Variants in RGSL1 observed in about 807,000 individuals in gnomAD.
The protein encoded by RGSL1 is regulator of G protein signaling protein-like.
In RGSL1, 97 loss-of-function variants were observed where a neutral mutation model predicts 124.7. The observed-to-expected ratio is 0.78, with a 90% CI of 0.66 to 0.92. The LOEUF (loss-of-function observed/expected upper bound fraction) is 0.92, where lower values mean the gene tolerates loss of function less well. Among genes scored for constraint, RGSL1 ranks in the 40% least tolerant of loss-of-function variants. RGSL1 has a pLI of 0.00. For missense variants in RGSL1, 1,233 were observed against 1,288.4 expected (o/e 0.96, Z 0.66); for synonymous variants, 424 against 438.1 (o/e 0.97, Z 0.40).
chr1:182,552,398 G>C (rs1660621127), intron 18 of RGSL1, among the ~76,000 whole-genome samples: 2 of 152,164 alleles, frequency 1.3e-5, no homozygotes, highest in Admixed American at 1.3e-4. Flanking sequence ...ACAGGTGTAA[G>C]CCACCGCACC....
intron 11 of RGSL1, among the ~76,000 whole-genome samples, chr1:182,528,859 A>C (rs1423019848): frequency 6.6e-6 from 1 of 152,234 alleles, no homozygotes. Context: ...GCACAGTTCC[A>C]CATGACTGGG....
rs1333289842 is a variant in RGSL1, at chr1:182,472,508, T to A, written c.414T>A (p.Thr138=). 1.3e-6 allele frequency: 2 copies of A among 1,550,012 alleles called. No homozygotes were observed. The highest frequency in any genetic ancestry group is 1.2e-5 in the South Asian group (1 of 83,586). Residue 138 remains threonine, a synonymous_variant, in exon 5 of 22, where the codon ACT becomes ACA. Transcript: ENST00000294854. ...CCCTCCTCCTCATGCTGAGGGCCAC[T>A]CATCTGCAGGAGGGCTCCAGGGTGG... is the stretch of plus-strand genomic sequence containing the variant. ...YLSLLLMLRA[T]HLQEGSRVVT... is the part of the protein sequence containing the mutation.
chr1:182,469,043 T>C (rs1387972751), intron 4 of RGSL1, among the ~76,000 whole-genome samples: 1 of 152,046 alleles, frequency 6.6e-6, no homozygotes, highest in Non-Finnish European at 1.5e-5. Context: ...AAGACCTAAA[T>C]TTAAGGCATA....
At chr1:182,471,523 T>C (rs183031079) in intron 4 of RGSL1, 1 of 356,948 alleles carries the variant, frequency 2.8e-6, no homozygotes, top group East Asian at 7.4e-5. Flanking sequence ...TAAAAATCTT[T>C]GAAAACTGAG....
At chr1:182,530,686 A>G (rs1659108477) in intron 12 of RGSL1, 104 bp from the exon 13 acceptor site, 2 of 1,288,536 alleles carry the variant, frequency 1.6e-6, no homozygotes, top group Non-Finnish European at 2.1e-6. Flanking sequence ...TTCCCCAATT[A>G]CCACTGAGAG....
chr1:182,457,578 A>G (rs985716828), intron 2 of RGSL1, among the ~76,000 whole-genome samples: 1 of 152,216 alleles, frequency 6.6e-6, no homozygotes, highest in African/African-American at 2.4e-5. Flanking sequence ...GAGGCTGTTC[A>G]TCTAGGGGAG....
chr1:182,541,396 A>G (rs1659883013), intron 15 of RGSL1, among the ~76,000 whole-genome samples: 1 of 152,184 alleles, frequency 6.6e-6, no homozygotes, highest in South Asian at 2.1e-4. Flanking sequence ...GCTGCAAATG[A>G]CAGGATTTCA....
At chr1:182,524,223 T>C (rs1658570322) in intron 10 of RGSL1, among the ~76,000 whole-genome samples, 1 of 152,200 alleles carries the variant, frequency 6.6e-6, no homozygotes, top group Admixed American at 6.5e-5. Flanking sequence ...TTGGGGTTTG[T>C]TGGAGCAGCA....
chr1:182,538,204 T>C (rs1239592319), intron 14 of RGSL1, among the ~76,000 whole-genome samples: 1 of 152,194 alleles, frequency 6.6e-6, no homozygotes, highest in African/African-American at 2.4e-5. Flanking sequence ...CTTGGTACTC[T>C]ATCTTGGACA....
intron 9 of RGSL1, among the ~76,000 whole-genome samples, chr1:182,517,483 C>T (rs984300263): frequency 9.9e-5 from 15 of 151,922 alleles, no homozygotes; most frequent in Non-Finnish European, 5.9e-5. Flanking sequence ...TGCTCTTGCT[C>T]GACTTCCTCT....
chr1:182,495,515 A>G (rs1243497350), intron 9 of RGSL1, among the ~76,000 whole-genome samples: 33 of 152,174 alleles, frequency 2.2e-4, no homozygotes, highest in Non-Finnish European at 1.5e-5. Flanking sequence ...TTACCAGCCA[A>G]ACCATTCATC....
chr1:182,510,654 C>T (rs1391789081), intron 9 of RGSL1, among the ~76,000 whole-genome samples: 1 of 15,402 alleles, frequency 6.5e-5, no homozygotes, highest in Non-Finnish European at 1.5e-4. Flanking sequence ...AGAGGGAGAC[C>T]GTGGGGAGAG....
chr1:182,493,670 A>G (rs1189601356), intron 9 of RGSL1, among the ~76,000 whole-genome samples: 1 of 152,212 alleles, frequency 6.6e-6, no homozygotes, highest in Non-Finnish European at 1.5e-5. Context: ...ACATTGATCC[A>G]CGGGAGATGT....
intron 7 of RGSL1, chr1:182,488,554 G>C: frequency 1.9e-6 from 1 of 532,770 alleles, no homozygotes; most frequent in Non-Finnish European, 3.3e-6. Flanking sequence ...GTGAAACCCC[G>C]TCTCTACTAA....
In RGSL1 at chr1:182,472,479, C is replaced by T; in HGVS notation, c.385C>T (p.Leu129=). The T allele has an allele frequency of 3.2e-6, 5 of 1,551,158 alleles. No individual in the cohort carries two copies. The highest frequency in any genetic ancestry group is 3.5e-6 in the Non-Finnish European group (4 of 1,146,584). The part of the protein sequence containing the change: ...EMDLEVRDYY[L]SLLLMLRATH... ...GGACCTGGAAGTGAGAGACTACTAC[C>T]TGTCCCTCCTCCTCATGCTGAGGGC... is the stretch of plus-strand genomic sequence containing the variant. Residue 129 remains leucine, a synonymous_variant, in exon 5 of 22, where the codon CTG becomes TTG. Transcript: ENST00000294854.
intron 9 of RGSL1, among the ~76,000 whole-genome samples, chr1:182,503,016 C>T (rs1427073148): frequency 6.6e-6 from 1 of 152,004 alleles, no homozygotes; most frequent in African/African-American, 2.4e-5. Context: ...CAAATGCTGG[C>T]AAGGATGTGG....
rs1043272772 is a variant in RGSL1 at position 182,527,679 on chromosome 1, G to A, written c.2032G>A (p.Val678Ile). 6.4e-7 allele frequency: 1 copy of A among 1,551,388 alleles called. No individual in the cohort carries two copies. Residue 678 changes from valine to isoleucine, a missense_variant, in exon 11 of 22, where the codon GTA (valine) becomes ATA (isoleucine). Coordinates refer to ENST00000294854, the MANE Select transcript of RGSL1 (RefSeq NM_001137669.2). ...AKIPLQFLTA[V>I]QKISIETNEK... ...AATCCCATTGCAATTTCTCACAGCT[G>A]TACAGAAGATCAGTATAGAGACCAA...
At chr1:182,489,316 C>A in intron 8 of RGSL1, 114 bp downstream of exon 8, 1 of 942,698 alleles carries the variant, frequency 1.1e-6, no homozygotes, top group East Asian at 2.6e-5. Context: ...CAGGGATTAC[C>A]TAATTTGGTC....
chr1:182,554,758 G>A (rs1660766257), intron 20 of RGSL1, 65 bp downstream of exon 20: 11 of 1,481,038 alleles, frequency 7.4e-6, no homozygotes, highest in Non-Finnish European at 9.2e-6. Flanking sequence ...TGCAATAGGA[G>A]ATGGTATAAA....
Sources: gnomAD v4.1 joint callset for allele counts (sites outside exome capture counted in the v4.1 genomes callset) on GRCh38, gnomAD v4.1.1 for gene constraint, MANE v1.5 for transcripts, NCBI Gene and HGNC (gene_info 2026-07-23, HGNC 2026-07-21) for gene names.